Variants in LRRC37A observed in about 807,000 individuals in gnomAD.
The protein encoded by LRRC37A is leucine-rich repeat-containing protein 37A.
A neutral mutation model predicts 35.4 loss-of-function variants in LRRC37A; 3 were observed. That is an observed-to-expected ratio of 0.08 (90% confidence interval 0.04 to 0.22). The LOEUF is 0.22. Among genes scored for constraint, LRRC37A ranks in the 10% least tolerant of loss-of-function variants. The pLI, the probability that LRRC37A is intolerant of heterozygous loss-of-function variation, is 1.00. For missense variants in LRRC37A, 67 were observed against 565.3 expected, an observed-to-expected ratio of 0.12 and a Z score of 8.94; for synonymous variants, 23 against 215.0, an observed-to-expected ratio of 0.11 and a Z score of 7.81.
the LRRC37A span, among the ~76,000 whole-genome samples, chr17:46,284,266 G>A: frequency 1.3e-5 from 2 of 152,250 alleles, no homozygotes; most frequent in Non-Finnish European, 2.9e-5. Context: ...GCTTTCCTAG[G>A]CAGAGGTCCC....
At chr17:46,258,707 C>CTTGTTTTTTTTTTTTTTTTT in the LRRC37A span, among the ~76,000 whole-genome samples, 1 of 81,126 alleles carries the variant, frequency 1.2e-5, no homozygotes, top group Non-Finnish European at 2.3e-5. Flanking sequence ...GACTATTATT[C>CTTGTTTTTTTTTTTTTTTTT]TTTTTTTTTT....
the LRRC37A span, among the ~76,000 whole-genome samples, chr17:46,262,891 G>A: frequency 3.9e-5 from 6 of 152,190 alleles, no homozygotes; most frequent in Non-Finnish European, 8.8e-5. Flanking sequence ...ATCAGCAGCT[G>A]ATGTACAAGT....
At chr17:46,248,376 G>A in the LRRC37A span, among the ~76,000 whole-genome samples, 1 of 151,910 alleles carries the variant, frequency 6.6e-6, no homozygotes, top group Non-Finnish European at 1.5e-5. Context: ...AAGGTCCCTC[G>A]TGTCCCTTTG....
At chr17:46,263,550 C>CAAAAAAAAAAA in the LRRC37A span, among the ~76,000 whole-genome samples, 1 of 63,632 alleles carries the variant, frequency 1.6e-5, no homozygotes, top group Non-Finnish European at 2.6e-5. Context: ...GACTCTGTCT[C>CAAAAAAAAAAA]AAAAAAAAAA....
At chr17:46,327,185 T>C (rs2051783164) in intron 7 of LRRC37A, among the ~76,000 whole-genome samples, 1 of 83,106 alleles carries the variant, frequency 1.2e-5, no homozygotes, top group Non-Finnish European at 3.5e-5. Flanking sequence ...TTGGGAAAAA[T>C]ACTGCATAGG....
At chr17:46,312,759 C>T (rs1212851722) in intron 5 of LRRC37A, among the ~76,000 whole-genome samples, 3 of 59,888 alleles carry the variant, frequency 5.0e-5, no homozygotes, top group African/African-American at 2.1e-4. Flanking sequence ...GTTTGAGAAT[C>T]CATACTTAAC....
chr17:46,256,374 G>T, the LRRC37A span, among the ~76,000 whole-genome samples: 1 of 152,056 alleles, frequency 6.6e-6, no homozygotes, highest in Non-Finnish European at 1.5e-5. Flanking sequence ...CCTGGACAGA[G>T]AGAGCATCTG....
the LRRC37A span, among the ~76,000 whole-genome samples, chr17:46,258,872 G>A: frequency 2.7e-5 from 4 of 150,918 alleles, no homozygotes; most frequent in Non-Finnish European, 5.9e-5. Context: ...CTGCCACCAC[G>A]CCCGGCTAAT....
At chr17:46,279,487 T>G in the LRRC37A span, among the ~76,000 whole-genome samples, 6 of 147,924 alleles carry the variant, frequency 4.1e-5, no homozygotes, top group Non-Finnish European at 8.9e-5. Flanking sequence ...CCTGGCCTTT[T>G]TTTTCTTTCT....
intron 5 of LRRC37A, among the ~76,000 whole-genome samples, chr17:46,319,212 A>ATTTTTTTTT (rs1225879085): frequency 1.8e-3 from 3 of 1,640 alleles, no homozygotes; most frequent in East Asian, 5.2e-3. Context: ...ATTGTGGTCA[A>ATTTTTTTTT]TTTTTTTTTT....
rs2052344359 is a variant in LRRC37A at position 46,337,293 on chromosome 17, CA to C, written c.4860-2del. 6.0e-6 allele frequency: 4 copies of C among 665,486 alleles called. No homozygotes were observed. Among genetic ancestry groups the C allele is most frequent in the Non-Finnish European group, 8.7e-6 (4 of 462,354 alleles). The allele number at this position is 665,486 out of a possible 1,614,324, so 41.2% of individuals were successfully genotyped here. On this transcript the variant is annotated splice_acceptor_variant, in intron 11 of 13. Coordinates refer to ENST00000320254, the Ensembl canonical transcript of LRRC37A. LOFTEE classifies it high-confidence loss of function. ...TCACTGTCTTGTGCATGTGTCTCCC[CA>C]GGGGCATTTTCAGATTTCTGCCATG...
chr17:46,281,802 C>T, the LRRC37A span, among the ~76,000 whole-genome samples: 1 of 152,026 alleles, frequency 6.6e-6, no homozygotes, highest in Non-Finnish European at 1.5e-5. Context: ...CATCACCACA[C>T]CTGGCTAATT....
chr17:46,261,619 G>A, the LRRC37A span, among the ~76,000 whole-genome samples: 4 of 152,018 alleles, frequency 2.6e-5, no homozygotes, highest in Middle Eastern at 3.4e-3. Context: ...CTCCATGTTG[G>A]TCAGGCTGGT....
the LRRC37A span, among the ~76,000 whole-genome samples, chr17:46,284,012 C>T: frequency 1.3e-3 from 202 of 151,754 alleles, no homozygotes; most frequent in Middle Eastern, 3.4e-3. Flanking sequence ...GGCGGTTTTT[C>T]CCTATCTCAG....
At chr17:46,248,308 T>G in the LRRC37A span, among the ~76,000 whole-genome samples, 236 of 152,210 alleles carry the variant, frequency 1.6e-3, 3 homozygotes, top group Middle Eastern at 3.4e-3. Context: ...TTTTGACAAA[T>G]GTATAGTTAC....
the LRRC37A span, chr17:46,268,561 C>T: frequency 6.6e-7 from 1 of 1,513,098 alleles, no homozygotes. Flanking sequence ...CTTCCTACAG[C>T]TCTGCTCCAG....
upstream of LRRC37A, among the ~76,000 whole-genome samples, chr17:46,291,689 G>A (rs1309632147): frequency 1.3e-5 from 2 of 152,158 alleles, no homozygotes; most frequent in Non-Finnish European, 2.9e-5. Context: ...GGGAAGTCGA[G>A]GAAGGAGGAT....
In LRRC37A at chr17:46,315,323, A is replaced by C. The variant is rs1029559292; in HGVS notation, c.2907-6999A>C. 1.0e-4 allele frequency among the ~76,000 whole-genome samples: 8 copies of C among 77,416 alleles called. 2 individuals carry two copies. The highest frequency in any genetic ancestry group is 2.8e-4 in the African/African-American group (8 of 28,396). 50.8% of individuals were successfully genotyped at this position (77,416 alleles called of 152,430 possible). ...GAGGATTGCTTGACCCCAGGAGTTCAAGGCCAGCCAGGGCAACATACTGAG... is the reference window on the plus strand; with the variant it reads ...GAGGATTGCTTGACCCCAGGAGTTCCAGGCCAGCCAGGGCAACATACTGAG... On this transcript the variant is annotated intron_variant, in intron 5 of 13. Coordinates refer to ENST00000320254, the Ensembl canonical transcript of LRRC37A.
At chr17:46,277,947 A>G in the LRRC37A span, among the ~76,000 whole-genome samples, 1 of 147,754 alleles carries the variant, frequency 6.8e-6, no homozygotes, top group African/African-American at 2.4e-5. Flanking sequence ...TGGTCTGGGT[A>G]GATTTTTTTT....
Sources: gnomAD v4.1 joint callset for allele counts (sites outside exome capture counted in the v4.1 genomes callset) on GRCh38, gnomAD v4.1.1 for gene constraint, MANE v1.5 for transcripts, NCBI Gene and HGNC (gene_info 2026-07-23, HGNC 2026-07-21) for gene names.